The following BAZ2B variants were observed in gnomAD, a reference collection of about 807,000 sequenced individuals.
BAZ2B encodes bromodomain adjacent to zinc finger domain protein 2B.
In BAZ2B, 91 loss-of-function variants were observed where a neutral mutation model predicts 246.0. The observed-to-expected ratio is 0.37, with a 90% CI of 0.31 to 0.44. BAZ2B has a LOEUF of 0.44. Among genes scored for constraint, BAZ2B ranks in the 20% least tolerant of loss-of-function variants. The pLI, the probability that BAZ2B is intolerant of heterozygous loss-of-function variation, is 1.00. For missense variants in BAZ2B, 2,332 were observed against 2,533.7 expected, an observed-to-expected ratio of 0.92 and a Z score of 1.71; for synonymous variants, 855 against 860.0, an observed-to-expected ratio of 0.99 and a Z score of 0.10.
chr2:159,647,047 C>A, the BAZ2B span, among the ~76,000 whole-genome samples: 1 of 152,138 alleles, frequency 6.6e-6, no homozygotes, highest in East Asian at 1.9e-4. Context: ...ATCAAAACTT[C>A]CAGCCTCTAC....
At position 159,332,175 on chromosome 2, in the gene BAZ2B, C is replaced by T. The variant is rs538380111; in HGVS notation, c.5943+365G>A. 5.9e-4 allele frequency among the ~76,000 whole-genome samples: 89 copies of T among 152,086 alleles called. 1 individual carries two copies. In the South Asian group the frequency reaches 0.018, roughly 31 times the overall value. The stretch of plus-strand genomic sequence containing the variant: ...CAAAAATAAACACCATAAAATTCTG[C>T]ATTTTGATCTAGTAATTAAAAAGTT... On this transcript the variant is annotated intron_variant, in intron 34 of 36. Coordinates refer to ENST00000392783, the MANE Select transcript of BAZ2B (RefSeq NM_013450.4).
chr2:159,504,893 A>G (rs1348269609), intron 2 of BAZ2B, among the ~76,000 whole-genome samples: 1 of 152,240 alleles, frequency 6.6e-6, no homozygotes, highest in Non-Finnish European at 1.5e-5. Context: ...TTGGTTCTCT[A>G]GTTCAATCTG....
At chr2:159,558,107 A>G (rs1224710947) in intron 1 of BAZ2B, among the ~76,000 whole-genome samples, 1 of 152,200 alleles carries the variant, frequency 6.6e-6, no homozygotes, top group East Asian at 1.9e-4. Context: ...AAAAAGTGAA[A>G]GATTACTTCA....
chr2:159,711,618 A>G, the BAZ2B span, among the ~76,000 whole-genome samples: 6 of 152,340 alleles, frequency 3.9e-5, no homozygotes, highest in East Asian at 1.2e-3. Context: ...GATCTTTTCC[A>G]TTAAAAAACT....
At chr2:159,420,478 T>TA (rs2150041091) in intron 13 of BAZ2B, among the ~76,000 whole-genome samples, 1 of 152,322 alleles carries the variant, frequency 6.6e-6, no homozygotes, top group South Asian at 2.1e-4. Context: ...CTTTCAATTT[T>TA]ATGCTTTTTT....
At chr2:159,476,614 C>A (rs1446926424) in intron 3 of BAZ2B, among the ~76,000 whole-genome samples, 1 of 152,116 alleles carries the variant, frequency 6.6e-6, no homozygotes, top group Non-Finnish European at 1.5e-5. Context: ...AAAAAGTGTT[C>A]AGAAAACTCA....
intron 1 of BAZ2B, among the ~76,000 whole-genome samples, chr2:159,584,959 T>C (rs1392905543): frequency 6.6e-6 from 1 of 152,178 alleles, no homozygotes; most frequent in African/African-American, 2.4e-5. Context: ...CCTGCTGTCA[T>C]GATTGGGAGC....
At chr2:159,577,805 G>T (rs1293256503) in intron 1 of BAZ2B, among the ~76,000 whole-genome samples, 3 of 152,110 alleles carry the variant, frequency 2.0e-5, no homozygotes. Context: ...AAAGGCTAAA[G>T]AAATAGCTAA....
intron 33 of BAZ2B, among the ~76,000 whole-genome samples, chr2:159,335,066 A>G (rs1217997429): frequency 6.6e-6 from 1 of 152,154 alleles, no homozygotes; most frequent in African/African-American, 2.4e-5. Flanking sequence ...ATGCACCACC[A>G]TAACTGGCAA....
the BAZ2B span, among the ~76,000 whole-genome samples, chr2:159,631,387 G>A: frequency 1.3e-5 from 2 of 152,148 alleles, no homozygotes; most frequent in South Asian, 4.1e-4. Context: ...ACAGGGACCA[G>A]TGTATAGCAA....
chr2:159,368,251 C>T (rs1034253608), intron 27 of BAZ2B, among the ~76,000 whole-genome samples: 38 of 152,220 alleles, frequency 2.5e-4, no homozygotes, highest in African/African-American at 9.2e-4. Context: ...CAAGGTCTTG[C>T]TACGTTGCCC....
chr2:159,539,327 A>G (rs1412627642), intron 2 of BAZ2B, among the ~76,000 whole-genome samples: 1 of 152,244 alleles, frequency 6.6e-6, no homozygotes, highest in Non-Finnish European at 1.5e-5. Context: ...ATAAATCATA[A>G]CCATGAATTT....
chr2:159,595,921 ATCT>A (rs1281064336), intron 1 of BAZ2B, among the ~76,000 whole-genome samples: 12 of 152,138 alleles, frequency 7.9e-5, no homozygotes, highest in Non-Finnish European at 1.2e-4. Context: ...CTGTCCATAA[ATCT>A]TCTTCCACCA....
chr2:159,414,712 G>C (rs958735873), intron 13 of BAZ2B, among the ~76,000 whole-genome samples: 9 of 151,828 alleles, frequency 5.9e-5, no homozygotes, highest in African/African-American at 2.2e-4. Context: ...AGCTACTTGG[G>C]AGGGTGAGAC....
intron 35 of BAZ2B, 144 bp downstream of exon 35, chr2:159,325,509 A>C: frequency 1.2e-6 from 1 of 858,624 alleles, no homozygotes; most frequent in Non-Finnish European, 1.7e-6. Flanking sequence ...CTATACTTTT[A>C]CTTATATATT....
intron 5 of BAZ2B, among the ~76,000 whole-genome samples, chr2:159,447,269 G>C (rs1319471638): frequency 2.0e-5 from 3 of 152,156 alleles, no homozygotes; most frequent in African/African-American, 4.8e-5. Context: ...ACAAGATAGA[G>C]GTGGTGGTTG....
chr2:159,522,400 T>A (rs2084228941), intron 2 of BAZ2B, among the ~76,000 whole-genome samples: 1 of 152,164 alleles, frequency 6.6e-6, no homozygotes, highest in Non-Finnish European at 1.5e-5. Context: ...TGGCATACAA[T>A]TGCTACTAAT....
chr2:159,395,625 C>T (rs1336453336), intron 20 of BAZ2B, 144 bp downstream of exon 20: 2 of 588,138 alleles, frequency 3.4e-6, no homozygotes, highest in Non-Finnish European at 5.8e-6. Context: ...CACTCAGTTG[C>T]TATCTCTAAA....
chr2:159,352,744 C>T (rs2058692467), intron 27 of BAZ2B, among the ~76,000 whole-genome samples: 1 of 152,206 alleles, frequency 6.6e-6, no homozygotes, highest in African/African-American at 2.4e-5. Flanking sequence ...AGATTACAGG[C>T]ATGAGCTTTG....
Sources: allele counts gnomAD v4.1 joint callset (sites outside exome capture counted in the v4.1 genomes callset), GRCh38; gene constraint gnomAD v4.1.1; transcripts MANE v1.5; gene names NCBI Gene and HGNC (gene_info 2026-07-23, HGNC 2026-07-21).